The following ZFP1 variants were observed in gnomAD, a reference collection of about 807,000 sequenced individuals.
The protein encoded by ZFP1 is zinc finger protein 1 homolog.
Under a neutral mutation model 38.5 loss-of-function variants are expected in ZFP1, and 32 were observed. The ratio of observed to expected loss-of-function variants is 0.83; its 90% CI spans 0.63 to 1.12. The LOEUF is 1.12. Among genes scored for constraint, ZFP1 ranks in the 50% most tolerant of loss-of-function variants. The pLI is 0.00. For synonymous variants in ZFP1, 245 were observed against 168.8 expected (o/e 1.45, Z -3.50); for missense variants, 616 against 480.8 (o/e 1.28, Z -2.63).
chr16:75,152,596 C>A (rs558729638), intron 1 of ZFP1, among the ~76,000 whole-genome samples: 1 of 152,150 alleles, frequency 6.6e-6, no homozygotes, highest in Non-Finnish European at 1.5e-5. Context: ...CTAGTAAAGC[C>A]TTTAGTATAT....
At chr16:75,156,322 T>C (rs920549027) in intron 2 of ZFP1, among the ~76,000 whole-genome samples, 6 of 152,098 alleles carry the variant, frequency 3.9e-5, no homozygotes, top group Non-Finnish European at 8.8e-5. Flanking sequence ...CCGGGCGTGG[T>C]AGCATGCGCC....
At chr16:75,122,308 CG>C in the ZFP1 span, among the ~76,000 whole-genome samples, 15 of 152,220 alleles carry the variant, frequency 9.9e-5, 2 homozygotes, top group East Asian at 7.7e-4. Context: ...GAGTACCAGC[CG>C]GAGTGGCAGG....
At chr16:75,140,261 T>C in the ZFP1 span, among the ~76,000 whole-genome samples, 1 of 128,034 alleles carries the variant, frequency 7.8e-6, no homozygotes, top group South Asian at 2.3e-4. Flanking sequence ...AGAGTGAAAC[T>C]CCATCTCAAA....
chr16:75,133,649 T>C, the ZFP1 span, among the ~76,000 whole-genome samples: 1,136 of 152,354 alleles, frequency 7.5e-3, 9 homozygotes, highest in Non-Finnish European at 0.012. Flanking sequence ...GTGGCTATTA[T>C]ATTGGACAGC....
the ZFP1 span, among the ~76,000 whole-genome samples, chr16:75,128,978 C>T: frequency 6.8e-3 from 1,029 of 152,054 alleles, 10 homozygotes; most frequent in African/African-American, 0.024. Context: ...TTAGTAGAGA[C>T]GGGGTTTCTC....
At chr16:75,140,199 T>C in the ZFP1 span, among the ~76,000 whole-genome samples, 2 of 151,276 alleles carry the variant, frequency 1.3e-5, no homozygotes, top group African/African-American at 4.9e-5. Context: ...ACCTGAGAGG[T>C]AGACGTTGCG....
chr16:75,127,245 A>C, the ZFP1 span, among the ~76,000 whole-genome samples: 1 of 152,174 alleles, frequency 6.6e-6, no homozygotes, highest in Non-Finnish European at 1.5e-5. Context: ...CTAAAACTCT[A>C]ACAGGTGCTC....
the ZFP1 span, among the ~76,000 whole-genome samples, chr16:75,140,127 G>A: frequency 2.4e-4 from 37 of 152,076 alleles, no homozygotes; most frequent in African/African-American, 8.5e-4. Flanking sequence ...AACTAGCCGG[G>A]CGTGGTGGTG....
At chr16:75,143,381 C>A in the ZFP1 span, among the ~76,000 whole-genome samples, 3 of 151,872 alleles carry the variant, frequency 2.0e-5, no homozygotes, top group African/African-American at 4.8e-5. Flanking sequence ...AGCTGAGACT[C>A]CAGGTGCATG....
At chr16:75,137,494 G>T in the ZFP1 span, among the ~76,000 whole-genome samples, 1 of 114,614 alleles carries the variant, frequency 8.7e-6, no homozygotes, top group South Asian at 2.8e-4. Flanking sequence ...ACCAAGTCTC[G>T]CTCTGTCCCA....
chr16:75,157,575 A>G (rs2037532806), intron 2 of ZFP1, among the ~76,000 whole-genome samples: 1 of 152,142 alleles, frequency 6.6e-6, no homozygotes, highest in Non-Finnish European at 1.5e-5. Flanking sequence ...ATTGATAGCT[A>G]GGTATGAATG....
chr16:75,154,180 C>T (rs377364551), intron 2 of ZFP1, among the ~76,000 whole-genome samples: 5 of 151,756 alleles, frequency 3.3e-5, no homozygotes, highest in East Asian at 1.9e-4. Flanking sequence ...GCTGAGATCG[C>T]GCCACTGAAC....
At chr16:75,121,169 GTTTTTT>G in the ZFP1 span, among the ~76,000 whole-genome samples, 1 of 140,138 alleles carries the variant, frequency 7.1e-6, no homozygotes. Context: ...TTTCTTTTTT[GTTTTTT>G]TTTTTTTGAG....
At chr16:75,150,580 G>C (rs998506537) in intron 1 of ZFP1, among the ~76,000 whole-genome samples, 1 of 152,004 alleles carries the variant, frequency 6.6e-6, no homozygotes, top group Non-Finnish European at 1.5e-5. Context: ...ACTGTGTTAC[G>C]AATTTCAATT....
rs1383306245 is a variant in ZFP1 at position 75,169,845 on chromosome 16, T to C, written c.735T>C (p.Cys245=). ...AGAAACCTTTCGAGTGTCCGGAATGTGGAAAAGCTTTCACCCACCAGTCAA... is the reference window on the plus strand; with the variant it reads ...AGAAACCTTTCGAGTGTCCGGAATGCGGAAAAGCTTTCACCCACCAGTCAA... The part of the protein sequence containing the change: ...TGEKPFECPE[C]GKAFTHQSNL... Residue 245 remains cysteine (C), a synonymous_variant, in exon 4 of 4, where the codon TGT becomes TGC. Coordinates refer to ENST00000570010, the MANE Select transcript of ZFP1 (RefSeq NM_153688.4). 1.2e-6 allele frequency: 2 copies of C among 1,614,028 alleles called. No individual in the cohort carries two copies. The highest frequency in any genetic ancestry group is 3.3e-5 in the Admixed American group (2 of 60,006).
chr16:75,166,940 A>AT, intron 3 of ZFP1, 44 bp downstream of exon 3: 1 of 1,579,758 alleles, frequency 6.3e-7, no homozygotes, highest in Non-Finnish European at 8.6e-7. Flanking sequence ...GCCTAGAGGT[A>AT]TTTATGTCCT....
Position 75,170,438 on chromosome 16 carries a change from G to A in ZFP1, c.*104G>A. ...GGAACATGGGAATTCATACTGAGAT[G>A]CAATCTCTCAACTCAAAAATGTATT... On this transcript the variant is annotated 3_prime_UTR_variant, in exon 4 of 4. Transcript: ENST00000570010. The A allele has an allele frequency of 7.1e-7, 1 of 1,400,488 alleles. No homozygotes were observed. Among genetic ancestry groups the A allele is most frequent in the Non-Finnish European group, 9.4e-7 (1 of 1,067,566 alleles). 86.8% of individuals were successfully genotyped at this position (1,400,488 alleles called of 1,614,324 possible).
At chr16:75,156,621 G>C (rs1170852515) in intron 2 of ZFP1, among the ~76,000 whole-genome samples, 2 of 152,132 alleles carry the variant, frequency 1.3e-5, no homozygotes, top group Non-Finnish European at 2.9e-5. Context: ...AGAAGCATGG[G>C]GCTCAACATA....
Position 75,170,378 on chromosome 16 carries a change from T to C in ZFP1, c.*44T>C. The C allele has an allele frequency of 6.6e-7, 1 of 1,511,084 alleles. No homozygotes were observed. Among genetic ancestry groups the C allele is most frequent in the Non-Finnish European group, 8.8e-7 (1 of 1,130,374 alleles). The allele number at this position is 1,511,084 out of a possible 1,614,324, so 93.6% of individuals were successfully genotyped here. ...CTGTGGAAAACTCCTGCCAGAACTC[T>C]TCAAGCGGGTGAAAAACCTCATGAC... On this transcript the variant is annotated 3_prime_UTR_variant, in exon 4 of 4. Transcript: ENST00000570010.
Sources: gnomAD v4.1 joint callset for allele counts (sites outside exome capture counted in the v4.1 genomes callset) on GRCh38, gnomAD v4.1.1 for gene constraint, MANE v1.5 for transcripts, NCBI Gene and HGNC (gene_info 2026-07-23, HGNC 2026-07-21) for gene names.